Variants in DNAH9 observed in about 807,000 individuals in gnomAD.
The protein encoded by DNAH9 is DNAH9 variant protein.
DNAH9 carries 345 observed loss-of-function variants against 471.6 expected under a neutral mutation model. That is an observed-to-expected ratio of 0.73 (90% CI 0.67 to 0.80). The LOEUF (loss-of-function observed/expected upper bound fraction) is 0.80, where lower values mean the gene tolerates loss of function less well. DNAH9 is among the 30% of genes least tolerant of loss of function. DNAH9 has a pLI of 0.00. For synonymous variants in DNAH9, 2,093 were observed against 2,123.6 expected (o/e 0.99, Z 0.40); for missense variants, 5,407 against 5,609.2 (o/e 0.96, Z 1.15).
intron 59 of DNAH9, among the ~76,000 whole-genome samples, chr17:11,897,865 T>C (rs1973268230): frequency 6.6e-6 from 1 of 152,144 alleles, no homozygotes; most frequent in Admixed American, 6.5e-5. Context: ...TACAATGGAG[T>C]GGCTTAAAAC....
At chr17:11,945,850 A>C (rs1156608220) in intron 67 of DNAH9, among the ~76,000 whole-genome samples, 1 of 151,412 alleles carries the variant, frequency 6.6e-6, no homozygotes. Context: ...CGAGGTCAGG[A>C]GATCAAGACC....
At chr17:11,922,051 C>T (rs972117508) in intron 61 of DNAH9, among the ~76,000 whole-genome samples, 1 of 152,202 alleles carries the variant, frequency 6.6e-6, no homozygotes, top group African/African-American at 2.4e-5. Context: ...CCAAAGCTGA[C>T]ATCAAATGTT....
intron 45 of DNAH9, among the ~76,000 whole-genome samples, chr17:11,819,381 C>G (rs151019847): frequency 6.6e-6 from 1 of 152,086 alleles, no homozygotes; most frequent in Non-Finnish European, 1.5e-5. Context: ...ATTGAATTAT[C>G]TTAACATAAC....
At chr17:11,925,675 A>G (rs1484273222) in intron 62 of DNAH9, among the ~76,000 whole-genome samples, 4 of 152,100 alleles carry the variant, frequency 2.6e-5, no homozygotes. Flanking sequence ...GTTGTCCCCC[A>G]GCATCTATTG....
In DNAH9 at chr17:11,840,033, C is replaced by G. The variant is rs1326727502; in HGVS notation, c.9507+5135C>G. 2.0e-5 allele frequency among the ~76,000 whole-genome samples: 3 copies of G among 152,162 alleles called. No homozygotes were observed. In the East Asian group the frequency reaches 5.8e-4, roughly 29 times the overall value. On this transcript the variant is annotated intron_variant, in intron 49 of 68. Transcript: ENST00000262442. Reference sequence around the variant, plus strand: ...CTTCTCAAAACATTAAAAATAGAAACAGCATATGACCCAGCAATCCCTCTT... The same window carrying G: ...CTTCTCAAAACATTAAAAATAGAAAGAGCATATGACCCAGCAATCCCTCTT...
chr17:11,752,988 CATTTCTAATCACCTGTGAAA>C, intron 33 of DNAH9, 28 bp downstream of exon 33: 1 of 1,522,706 alleles, frequency 6.6e-7, no homozygotes, highest in Non-Finnish European at 8.8e-7. Context: ...ATCCCTAGAT[CATTTCTAATCACCTGTGAAA>C]CCAGTCACCC....
chr17:11,618,584 CA>C (rs55954196), intron 5 of DNAH9, among the ~76,000 whole-genome samples: 31 of 139,856 alleles, frequency 2.2e-4, no homozygotes, highest in Non-Finnish European at 1.8e-4. Context: ...GACTCCATCT[CA>C]AAAAAAAAAA....
chr17:11,644,533 G>A (rs1453184972), intron 10 of DNAH9, 98 bp from the exon 11 acceptor site: 1 of 843,538 alleles, frequency 1.2e-6, no homozygotes. Context: ...GAGCCAAGGA[G>A]CTATTCACGC....
chr17:11,727,756 C>A, intron 27 of DNAH9, 62 bp from the exon 28 acceptor site: 1 of 1,120,798 alleles, frequency 8.9e-7, no homozygotes, highest in Non-Finnish European at 1.4e-6. Context: ...TGGAGAATGG[C>A]TTCAACATGT....
intron 6 of DNAH9, among the ~76,000 whole-genome samples, chr17:11,627,318 C>A (rs2072987139): frequency 6.6e-6 from 1 of 152,176 alleles, no homozygotes; most frequent in African/African-American, 2.4e-5. Context: ...CTAGACCATG[C>A]TTTAAGTATT....
At chr17:11,714,314 G>T (rs548619406) in intron 26 of DNAH9, among the ~76,000 whole-genome samples, 4 of 152,094 alleles carry the variant, frequency 2.6e-5, no homozygotes, top group African/African-American at 9.7e-5. Flanking sequence ...ATTGGATTTT[G>T]TTGGGTCTGT....
At chr17:11,634,139 ATTTATCTTCTGACCT>A (rs2073117577) in intron 8 of DNAH9, among the ~76,000 whole-genome samples, 1 of 152,088 alleles carries the variant, frequency 6.6e-6, no homozygotes, top group African/African-American at 2.4e-5. Flanking sequence ...AAAGCAGATT[ATTTATCTTCTGACCT>A]TGACTCTTCT....
intron 62 of DNAH9, chr17:11,925,142 C>G: frequency 2.2e-6 from 1 of 454,804 alleles, no homozygotes; most frequent in Non-Finnish European, 4.4e-6. Flanking sequence ...TGACTGTATT[C>G]TCCACCAAAT....
chr17:11,797,879 C>T lies in DNAH9; in HGVS notation c.8420+86C>T, dbSNP rs1212118524. 2.2e-5 allele frequency: 31 copies of T among 1,396,454 alleles called. 1 individual carries two copies. The highest frequency in any genetic ancestry group is 2.9e-5 in the Non-Finnish European group (30 of 1,024,836). The allele number at this position is 1,396,454 out of a possible 1,614,324, so 86.5% of individuals were successfully genotyped here. On this transcript the variant is annotated intron_variant, in intron 43 of 68. Transcript: ENST00000262442. ...TCATTCGGCTATTTGAGGTCACTTC[C>T]GTAAAGCCAGGTAAGGAGCTCCGGC...
At chr17:11,674,913 A>C (rs2074026991) in intron 17 of DNAH9, among the ~76,000 whole-genome samples, 1 of 152,180 alleles carries the variant, frequency 6.6e-6, no homozygotes, top group African/African-American at 2.4e-5. Context: ...CTGGCAGGGC[A>C]GGTCTCCACC....
At chr17:11,706,755 T>C (rs952088864) in intron 26 of DNAH9, among the ~76,000 whole-genome samples, 2 of 152,198 alleles carry the variant, frequency 1.3e-5, no homozygotes, top group African/African-American at 4.8e-5. Flanking sequence ...TAAGAGGATA[T>C]ACAGCATTCA....
At chr17:11,752,764 G>T in intron 32 of DNAH9, 69 bp from the exon 33 acceptor site, 1 of 1,364,254 alleles carries the variant, frequency 7.3e-7, no homozygotes, top group Non-Finnish European at 9.9e-7. Context: ...GCTAAAGGGG[G>T]AAAGCTGTGT....
chr17:11,624,241 G>C (rs2072928485), intron 6 of DNAH9, among the ~76,000 whole-genome samples: 1 of 152,264 alleles, frequency 6.6e-6, no homozygotes, highest in South Asian at 2.1e-4. Context: ...GGGTGCAGTG[G>C]CTTACGCCTG....
At position 11,884,502 on chromosome 17, in the gene DNAH9, A is replaced by G. The variant is rs183337354; in HGVS notation, c.10971+752A>G. The G allele has an allele frequency of 1.1e-3, 513 of 454,094 alleles. 4 individuals are homozygous for G. Among genetic ancestry groups the G allele is most frequent in the African/African-American group, 9.3e-3 (466 of 50,198 alleles). The allele number at this position is 454,094 out of a possible 1,614,324, so 28.1% of individuals were successfully genotyped here. On this transcript the variant is annotated intron_variant, in intron 56 of 68. Coordinates refer to ENST00000262442, the MANE Select transcript of DNAH9 (RefSeq NM_001372.4). ...CATATCTGTAACAGTGTCCAGGAAC[A>G]ATATACCTTTGACGGAAGATGCTTA...
Sources: gnomAD v4.1 joint callset for allele counts (sites outside exome capture counted in the v4.1 genomes callset) on GRCh38, gnomAD v4.1.1 for gene constraint, MANE v1.5 for transcripts, NCBI Gene and HGNC (gene_info 2026-07-23, HGNC 2026-07-21) for gene names.